Variants in KCNIP1 observed in about 807,000 individuals in gnomAD.
KCNIP1 encodes potassium voltage-gated channel interacting protein 1.
KCNIP1 carries 18 observed loss-of-function variants against 33.0 expected under a neutral mutation model. The observed-to-expected ratio is 0.55, with a 90% confidence interval of 0.38 to 0.81. KCNIP1 has a LOEUF of 0.81. Among genes scored for constraint, KCNIP1 ranks in the 30% least tolerant of loss-of-function variants. KCNIP1 has a pLI of 0.00. For missense variants in KCNIP1, 238 were observed against 271.6 expected (o/e 0.88, Z 0.87); for synonymous variants, 93 against 98.3 (o/e 0.95, Z 0.32).
intron 1 of KCNIP1, among the ~76,000 whole-genome samples, chr5:170,653,420 T>C (rs1380573959): frequency 1.3e-5 from 2 of 152,212 alleles, no homozygotes; most frequent in South Asian, 2.1e-4. Flanking sequence ...ATCATCATCA[T>C]CAAATATGGA....
chr5:170,367,038 G>A (rs1315190538), intron 1 of KCNIP1, among the ~76,000 whole-genome samples: 1 of 152,184 alleles, frequency 6.6e-6, no homozygotes, highest in Non-Finnish European at 1.5e-5. Context: ...AGAACGTGCA[G>A]TCTGGCACGG....
chr5:170,663,909 C>A (rs1314938864), intron 1 of KCNIP1, among the ~76,000 whole-genome samples: 1 of 102,704 alleles, frequency 9.7e-6, no homozygotes. Context: ...CTTCCACCAT[C>A]CTTTCTATAC....
chr5:170,611,491 G>T (rs1759150513), intron 1 of KCNIP1, among the ~76,000 whole-genome samples: 1 of 152,216 alleles, frequency 6.6e-6, no homozygotes, highest in Admixed American at 6.5e-5. Context: ...AGCAGGAAAA[G>T]GTCAGAAGAT....
chr5:170,385,358 G>C (rs112318935), intron 1 of KCNIP1: 4 of 1,614,140 alleles, frequency 2.5e-6, no homozygotes, highest in Non-Finnish European at 2.5e-6. Context: ...GGATGTAGTA[G>C]GTGATGACGG....
chr5:170,419,173 T>C (rs1755412708), intron 1 of KCNIP1, among the ~76,000 whole-genome samples: 1 of 152,174 alleles, frequency 6.6e-6, no homozygotes. Context: ...CAGTGTCCAG[T>C]GCTGACCTCT....
intron 1 of KCNIP1, chr5:170,383,911 C>T: frequency 6.5e-7 from 1 of 1,535,590 alleles, no homozygotes; most frequent in Non-Finnish European, 8.9e-7. Flanking sequence ...CACAGAACAC[C>T]CATTTGAACC....
chr5:170,410,645 G>A (rs1428003548), intron 1 of KCNIP1, among the ~76,000 whole-genome samples: 2 of 152,186 alleles, frequency 1.3e-5, no homozygotes, highest in Non-Finnish European at 2.9e-5. Context: ...GATTAATAAG[G>A]AAGCTATAAA....
At chr5:170,490,583 T>A (rs930404857) in intron 1 of KCNIP1, among the ~76,000 whole-genome samples, 2 of 152,182 alleles carry the variant, frequency 1.3e-5, no homozygotes, top group African/African-American at 2.4e-5. Context: ...CCCTAAGATG[T>A]TACCACTGGG....
intron 1 of KCNIP1, among the ~76,000 whole-genome samples, chr5:170,358,028 C>T (rs551362021): frequency 5.1e-4 from 78 of 152,302 alleles, no homozygotes; most frequent in African/African-American, 1.8e-3. Flanking sequence ...GGGGAACCTG[C>T]GTCTTCCTCT....
In KCNIP1 at chr5:170,605,367, A is replaced by G. The variant is rs1029832228; in HGVS notation, c.61+100734A>G. ...ATTTCCCAGCTGCAATTTCTTTGCAAGACAGGGAAAGGATTGGATATACTC... is the reference window on the plus strand; with the variant it reads ...ATTTCCCAGCTGCAATTTCTTTGCAGGACAGGGAAAGGATTGGATATACTC... On this transcript the variant is annotated intron_variant, in intron 1 of 7. Transcript: ENST00000328939. Among the ~76,000 whole-genome samples, 3 of 152,332 alleles carry G rather than the reference A, an allele frequency of 2.0e-5. No homozygotes were observed. In the South Asian group the frequency reaches 6.2e-4, roughly 32 times the overall value.
intron 1 of KCNIP1, among the ~76,000 whole-genome samples, chr5:170,555,420 A>G (rs1238199119): frequency 1.3e-5 from 2 of 152,190 alleles, no homozygotes; most frequent in South Asian, 2.1e-4. Flanking sequence ...AATCTTCTCA[A>G]TAGCACTGCC....
At chr5:170,502,696 TC>T (rs1436950665), upstream of KCNIP1, among the ~76,000 whole-genome samples, 1 of 152,148 alleles carries the variant, frequency 6.6e-6, no homozygotes, top group African/African-American at 2.4e-5. Flanking sequence ...AGGCCATACA[TC>T]CGGGTATTCT....
At chr5:170,605,864 C>T (rs879736501) in intron 1 of KCNIP1, among the ~76,000 whole-genome samples, 3 of 151,576 alleles carry the variant, frequency 2.0e-5, no homozygotes, top group Non-Finnish European at 2.9e-5. Context: ...AACCTCTGCC[C>T]CCTGGGTTCA....
At chr5:170,414,290 G>A (rs373319665) in intron 1 of KCNIP1, among the ~76,000 whole-genome samples, 6 of 152,218 alleles carry the variant, frequency 3.9e-5, no homozygotes, top group South Asian at 4.1e-4. Context: ...CAAGTTTAAC[G>A]TAAAGCTGCC....
intron 1 of KCNIP1, among the ~76,000 whole-genome samples, chr5:170,495,179 C>A (rs1219645086): frequency 6.6e-6 from 1 of 152,164 alleles, no homozygotes; most frequent in Non-Finnish European, 1.5e-5. Flanking sequence ...GAGCATGGAG[C>A]CTGAAGTGGG....
Position 170,542,446 on chromosome 5 carries a change from C to T in KCNIP1, c.61+37813C>T, listed in dbSNP as rs546793582. 5.9e-5 allele frequency among the ~76,000 whole-genome samples: 9 copies of T among 152,282 alleles called. No individual in the cohort carries two copies. In the South Asian group the frequency reaches 1.0e-3, roughly 18 times the overall value. On this transcript the variant is annotated intron_variant, in intron 1 of 7. Transcript: ENST00000328939. ...TATACACTTAGCAAAGTGCCTGGCT[C>T]ACAGTAATTGTCAGAAACAGAAAGT...
At chr5:170,597,547 A>G (rs1758484937) in intron 1 of KCNIP1, among the ~76,000 whole-genome samples, 1 of 151,974 alleles carries the variant, frequency 6.6e-6, no homozygotes, top group Non-Finnish European at 1.5e-5. Flanking sequence ...AATCTGGGAG[A>G]TGAATGTATT....
intron 1 of KCNIP1, among the ~76,000 whole-genome samples, chr5:170,436,017 A>G (rs1189241869): frequency 6.6e-6 from 1 of 152,082 alleles, no homozygotes; most frequent in Non-Finnish European, 1.5e-5. Flanking sequence ...TTCATTGACC[A>G]AGACCCTGGC....
At chr5:170,385,184 G>A in intron 1 of KCNIP1, 1 of 990,334 alleles carries the variant, frequency 1.0e-6, no homozygotes, top group Non-Finnish European at 1.6e-6. Context: ...ACCTAAGAAT[G>A]AGCATCGTCT....
Sources: allele counts gnomAD v4.1 joint callset (sites outside exome capture counted in the v4.1 genomes callset), GRCh38; gene constraint gnomAD v4.1.1; transcripts MANE v1.5; gene names NCBI Gene and HGNC (gene_info 2026-07-23, HGNC 2026-07-21).